The following BTC variants were observed in gnomAD, a reference collection of about 807,000 sequenced individuals.
BTC encodes betacellulin.
BTC carries 13 observed loss-of-function variants against 18.1 expected under a neutral mutation model. The observed-to-expected ratio is 0.72, with a 90% CI of 0.47 to 1.14. BTC has a LOEUF of 1.14. BTC is among the 50% of genes most tolerant of loss of function. BTC has a pLI of 0.00. For missense variants in BTC, 247 were observed against 224.2 expected (o/e 1.10, Z -0.65); for synonymous variants, 83 against 79.4 (o/e 1.05, Z -0.24).
chr4:74,745,264 A>T lies in BTC; in HGVS notation c.*1413T>A, dbSNP rs1724260660. On this transcript the variant is annotated 3_prime_UTR_variant, in exon 6 of 6. Transcript: ENST00000395743. The stretch of plus-strand genomic sequence containing the variant: ...GGGGAGCTATTTATGTATCATATGT[A>T]AGTACAGCCCCAGCTTCACTCAAAA... The T allele has an allele frequency of 6.6e-6, 1 of 152,194 alleles. No homozygotes were observed. The highest frequency in any genetic ancestry group is 1.5e-5 in the Non-Finnish European group (1 of 68,038). The allele number at this position is 152,194 out of a possible 1,614,324, so 9.4% of individuals were successfully genotyped here. A position where few individuals can be genotyped will look rare whatever the true frequency, so the allele number is the denominator to read the frequency against.
Position 74,750,729 on chromosome 4 carries a change from A to G in BTC, c.282-10T>C. 6.2e-7 allele frequency: 1 copy of G among 1,609,730 alleles called. No individual in the cohort carries two copies. On this transcript the variant is annotated splice_polypyrimidine_tract_variant and intron_variant, in intron 3 of 5. Transcript: ENST00000395743. ...GTAGCCTTCATCACAGCTATAAAAC[A>G]AGACGAGGGCAAGGAAGTAAAACTT...
intron 1 of BTC, among the ~76,000 whole-genome samples, chr4:74,782,229 A>G (rs1183035583): frequency 1.3e-5 from 2 of 151,974 alleles, no homozygotes; most frequent in East Asian, 3.9e-4. Flanking sequence ...ATTAAGCTCA[A>G]CGTCCATTAG....
In BTC at chr4:74,762,346, A is replaced by G. The variant is rs567653165; in HGVS notation, c.164-6370T>C. On this transcript the variant is annotated intron_variant, in intron 2 of 5. Transcript: ENST00000395743. The stretch of plus-strand genomic sequence containing the variant: ...TTTGTTTACTGTGTGATCTTGAACA[A>G]ATTACTTTACCTCTCTGTGCTTCAG... Among the ~76,000 whole-genome samples, 32 of 152,316 alleles carry G rather than the reference A, an allele frequency of 2.1e-4. No homozygotes were observed. The South Asian group carries it at 6.4e-3, about 31-fold the overall frequency.
At chr4:74,755,709 TG>T in intron 3 of BTC, 149 bp downstream of exon 3, 1 of 688,260 alleles carries the variant, frequency 1.5e-6, no homozygotes, top group Non-Finnish European at 2.5e-6. Flanking sequence ...AGTTGCTGAG[TG>T]GGCCCCTAAA....
chr4:74,791,934 T>G (rs1725640560), intron 1 of BTC, among the ~76,000 whole-genome samples: 1 of 151,520 alleles, frequency 6.6e-6, no homozygotes. Context: ...GGCTCATGTC[T>G]GCTCAATGCC....
intron 4 of BTC, among the ~76,000 whole-genome samples, chr4:74,748,380 C>CA (rs1302864307): frequency 2.0e-5 from 3 of 152,122 alleles, no homozygotes; most frequent in South Asian, 2.1e-4. Context: ...ACTAAAAATA[C>CA]AAAAAATTGG....
chr4:74,769,497 A>G (rs896625918), intron 2 of BTC, among the ~76,000 whole-genome samples: 2 of 152,148 alleles, frequency 1.3e-5, no homozygotes, highest in Admixed American at 6.5e-5. Context: ...ATGATCCACA[A>G]AGCCTAAAAC....
intron 2 of BTC, among the ~76,000 whole-genome samples, chr4:74,764,371 G>A (rs1263631693): frequency 2.0e-5 from 3 of 152,148 alleles, no homozygotes; most frequent in Admixed American, 1.3e-4. Context: ...GAAGACGTGT[G>A]ATGGGAAGGT....
At chr4:74,782,199 C>T (rs1459384487) in intron 1 of BTC, among the ~76,000 whole-genome samples, 1 of 152,012 alleles carries the variant, frequency 6.6e-6, no homozygotes, top group East Asian at 1.9e-4. Context: ...TTGCTACACA[C>T]ATCATCCCAT....
intron 1 of BTC, among the ~76,000 whole-genome samples, chr4:74,783,982 C>T (rs112386810): frequency 0.053 from 8,067 of 152,056 alleles, 347 homozygotes; most frequent in Admixed American, 0.12. Context: ...CCTGTAATCC[C>T]TGCACTTTGG....
Position 74,770,232 on chromosome 4 carries a change from C to G in BTC, c.65-76G>C, listed in dbSNP as rs1479849107. ...GAAACAGTCTATCAAAGTCATCACC[C>G]ATTTCACCCATTTATGAAAATAACA... is the stretch of plus-strand genomic sequence containing the variant. On this transcript the variant is annotated intron_variant, in intron 1 of 5. Transcript: ENST00000395743. 6 of 1,107,064 alleles carry G rather than the reference C, an allele frequency of 5.4e-6. No individual in the cohort carries two copies. The East Asian group carries it at 1.2e-4, about 22-fold the overall frequency. 68.6% of individuals were successfully genotyped at this position (1,107,064 alleles called of 1,614,324 possible).
In BTC at chr4:74,791,568, C is replaced by T. The variant is rs77021230; in HGVS notation, c.64+2694G>A. The stretch of plus-strand genomic sequence containing the variant: ...TATATTTATATTAAATGTATTTGTA[C>T]CATATAATCTGCTTATGGTATACCT... On this transcript the variant is annotated intron_variant, in intron 1 of 5. Transcript: ENST00000395743. 9.6e-3 allele frequency among the ~76,000 whole-genome samples: 1,462 copies of T among 152,128 alleles called. 21 individuals are homozygous for T. Among genetic ancestry groups the T allele is most frequent in the African/African-American group, 0.034 (1,398 of 41,508 alleles).
At chr4:74,753,439 T>G (rs73825032) in intron 3 of BTC, among the ~76,000 whole-genome samples, 4,530 of 152,290 alleles carry the variant, frequency 0.03, 208 homozygotes, top group African/African-American at 0.1. Flanking sequence ...CTTAACTGCA[T>G]AGTAAATGTG....
chr4:74,783,767 T>G (rs1725402307), intron 1 of BTC, among the ~76,000 whole-genome samples: 1 of 152,052 alleles, frequency 6.6e-6, no homozygotes, highest in African/African-American at 2.4e-5. Flanking sequence ...GTTTTCCCAT[T>G]TGTTTGTGTC....
chr4:74,747,899 GA>G (rs1425152952), intron 5 of BTC, 140 bp downstream of exon 5: 15 of 484,470 alleles, frequency 3.1e-5, no homozygotes, highest in South Asian at 2.4e-4. Context: ...CAGATTCTAT[GA>G]AAAAAACCAT....
At chr4:74,749,965 A>C (rs1553955977) in intron 4 of BTC, among the ~76,000 whole-genome samples, 1 of 147,934 alleles carries the variant, frequency 6.8e-6, no homozygotes, top group East Asian at 2.0e-4. Flanking sequence ...GCTTGGTGGC[A>C]CACACTTGTA....
In BTC at chr4:74,746,008, G is replaced by A. The variant is rs1380782699; in HGVS notation, c.*669C>T. ...TCATTCTGTGTGCCTGTGGGAAGAC[G>A]GTCTTGACATCTCACAATCATACCA... On this transcript the variant is annotated 3_prime_UTR_variant, in exon 6 of 6. Coordinates refer to ENST00000395743, the MANE Select transcript of BTC (RefSeq NM_001729.4). 2 of 152,136 alleles carry A rather than the reference G, an allele frequency of 1.3e-5. No individual in the cohort carries two copies. Among genetic ancestry groups the A allele is most frequent in the Non-Finnish European group, 2.9e-5 (2 of 68,024 alleles). 9.4% of individuals were successfully genotyped at this position (152,136 alleles called of 1,614,324 possible). A position where few individuals can be genotyped will look rare whatever the true frequency, so the allele number is the denominator to read the frequency against.
intron 1 of BTC, among the ~76,000 whole-genome samples, chr4:74,791,750 G>C (rs1478325568): frequency 6.6e-6 from 1 of 152,140 alleles, no homozygotes; most frequent in African/African-American, 2.4e-5. Context: ...ATAGACATAA[G>C]CCATTTCTAA....
intron 2 of BTC, among the ~76,000 whole-genome samples, chr4:74,766,221 G>T (rs373791158): frequency 2.6e-5 from 4 of 151,906 alleles, no homozygotes; most frequent in East Asian, 1.9e-4. Context: ...ATAAACCACC[G>T]CAGACTTTAT....
Sources: allele counts gnomAD v4.1 joint callset (sites outside exome capture counted in the v4.1 genomes callset), GRCh38; gene constraint gnomAD v4.1.1; transcripts MANE v1.5; gene names NCBI Gene and HGNC (gene_info 2026-07-23, HGNC 2026-07-21).